EBF4: variants seen among roughly 807,000 people sequenced by gnomAD.
EBF4 encodes EBF transcription factor 4.
Under a neutral mutation model 67.1 loss-of-function variants are expected in EBF4, and 34 were observed. The ratio of observed to expected loss-of-function variants is 0.51; its 90% CI spans 0.39 to 0.67. The LOEUF is 0.67. EBF4 is among the 30% of genes least tolerant of loss of function. EBF4 has a pLI of 0.00. For synonymous variants in EBF4, 387 were observed against 377.7 expected, an observed-to-expected ratio of 1.02 and a Z score of -0.29; for missense variants, 837 against 873.3, an observed-to-expected ratio of 0.96 and a Z score of 0.52.
chr20:2,757,102 C>A (rs928532369), intron 15 of EBF4, among the ~76,000 whole-genome samples: 7 of 152,070 alleles, frequency 4.6e-5, no homozygotes, highest in African/African-American at 1.7e-4. Flanking sequence ...AAATCCAAGG[C>A]AGGGGCAGGT....
At chr20:2,743,710 A>C (rs2088001137) in intron 6 of EBF4, among the ~76,000 whole-genome samples, 3 of 152,184 alleles carry the variant, frequency 2.0e-5, no homozygotes, top group Admixed American at 2.0e-4. Flanking sequence ...CCATAGGACA[A>C]TTTTATCATC....
rs1386891042 is a variant in EBF4, at chr20:2,750,491, G to A, written c.1018+518G>A. On this transcript the variant is annotated intron_variant, in intron 10 of 16. Transcript: ENST00000609451. ...AGCAGTGAACACACGTGGAGAGGCAGTGTAGAACCCCCCAGCCTGGCTCTA... is the reference window on the plus strand; with the variant it reads ...AGCAGTGAACACACGTGGAGAGGCAATGTAGAACCCCCCAGCCTGGCTCTA... 3.3e-5 allele frequency among the ~76,000 whole-genome samples: 5 copies of A among 152,088 alleles called. No individual in the cohort carries two copies. The East Asian group carries it at 9.8e-4, about 30-fold the overall frequency.
intron 6 of EBF4, among the ~76,000 whole-genome samples, chr20:2,744,487 C>CTTT (rs778840182): frequency 0.016 from 1,723 of 111,056 alleles, 107 homozygotes; most frequent in African/African-American, 0.031. Context: ...TTCTTTTTTT[C>CTTT]TTTTCTTTTT....
intron 6 of EBF4, among the ~76,000 whole-genome samples, chr20:2,711,283 TCTC>T (rs1260927043): frequency 7.9e-5 from 12 of 152,128 alleles, no homozygotes; most frequent in African/African-American, 2.9e-4. Flanking sequence ...ACACAAGAAG[TCTC>T]CTTATTCTTT....
intron 7 of EBF4, 147 bp downstream of exon 7, chr20:2,748,777 T>A (rs2088092877): frequency 2.2e-6 from 2 of 908,004 alleles, no homozygotes; most frequent in Non-Finnish European, 3.3e-6. Flanking sequence ...CCCAGCCTGG[T>A]TGGTGCCTGC....
At chr20:2,703,007 G>A (rs1213569517) in intron 1 of EBF4, among the ~76,000 whole-genome samples, 5 of 152,252 alleles carry the variant, frequency 3.3e-5, no homozygotes, top group African/African-American at 1.2e-4. Context: ...CAGGTGTAGT[G>A]GTTGGCACCT....
At position 2,751,532 on chromosome 20, in the gene EBF4, C is replaced by T. The variant is rs2088145028; in HGVS notation, c.1019-168C>T. On this transcript the variant is annotated intron_variant, in intron 10 of 16. Coordinates refer to ENST00000609451, the Ensembl canonical transcript of EBF4. The surrounding 1 kb of genome is among the most constrained non-coding windows in gnomAD (Gnocchi z 5.2). ...AGAACTGAAACTTCCCTGAATCTCG[C>T]TGCCGGGGGTGCCTGGAGTTTTCCG... Among the ~76,000 whole-genome samples, 1 of 152,156 alleles carries T rather than the reference C, an allele frequency of 6.6e-6. No individual in the cohort carries two copies. The highest frequency in any genetic ancestry group is 1.5e-5 in the Non-Finnish European group (1 of 68,028).
intron 6 of EBF4, among the ~76,000 whole-genome samples, chr20:2,721,182 G>C (rs1350635312): frequency 6.7e-6 from 1 of 149,502 alleles, no homozygotes; most frequent in African/African-American, 2.5e-5. Flanking sequence ...CCTCTTCTTT[G>C]GGGACTCCAA....
intron 6 of EBF4, among the ~76,000 whole-genome samples, chr20:2,716,293 G>A (rs1466632391): frequency 7.3e-5 from 11 of 150,964 alleles, no homozygotes; most frequent in South Asian, 2.1e-4. Flanking sequence ...TTGGGAGGCC[G>A]AGGCGGGCAG....
At chr20:2,695,528 C>A (rs1404786320) in intron 1 of EBF4, among the ~76,000 whole-genome samples, 1 of 152,158 alleles carries the variant, frequency 6.6e-6, no homozygotes, top group Non-Finnish European at 1.5e-5. Flanking sequence ...TTTCTTCAGG[C>A]TCGGTCTGCT....
chr20:2,748,052 G>A (rs531822652), intron 6 of EBF4, among the ~76,000 whole-genome samples: 1 of 152,254 alleles, frequency 6.6e-6, no homozygotes, highest in East Asian at 1.9e-4. Flanking sequence ...TCTGGGGAGG[G>A]ATGTGTTGTA....
At chr20:2,712,950 G>A (rs116956881) in intron 6 of EBF4, among the ~76,000 whole-genome samples, 29 of 152,296 alleles carry the variant, frequency 1.9e-4, no homozygotes, top group Middle Eastern at 6.8e-3. Flanking sequence ...TGTCACGGGA[G>A]TCATTTCAGT....
intron 2 of EBF4, 60 bp downstream of exon 2, chr20:2,705,793 A>G (rs1039940746): frequency 1.5e-5 from 10 of 675,664 alleles, no homozygotes; most frequent in Non-Finnish European, 1.9e-5. Flanking sequence ...AACCACACAC[A>G]CACACACACA....
At chr20:2,735,928 G>A (rs2087870987) in intron 6 of EBF4, among the ~76,000 whole-genome samples, 1 of 152,194 alleles carries the variant, frequency 6.6e-6, no homozygotes, top group South Asian at 2.1e-4. Flanking sequence ...TGTAAGGCTT[G>A]AAGACCACAC....
In EBF4 at chr20:2,693,851, G is replaced by T. The variant is rs2087248209; in HGVS notation, c.137+69G>T. ...GCGCGCCGCCTCAGCTCAGCTTGCT[G>T]GAGCTGCTGGAGCCAGGGGCGGAAG... On this transcript the variant is annotated intron_variant, in intron 1 of 16. Coordinates refer to ENST00000609451, the Ensembl canonical transcript of EBF4. This position sits in a 1 kb window ranked among gnomAD's most constrained non-coding sequence, Gnocchi z 4.6. The T allele has an allele frequency of 3.2e-6, 4 of 1,253,674 alleles. No individual in the cohort carries two copies. The highest frequency in any genetic ancestry group is 3.1e-4 in the Middle Eastern group (1 of 3,278). The allele number at this position is 1,253,674 out of a possible 1,614,324, so 77.7% of individuals were successfully genotyped here. A position where few individuals can be genotyped will look rare whatever the true frequency, so the allele number is the denominator to read the frequency against.
intron 1 of EBF4, among the ~76,000 whole-genome samples, chr20:2,694,410 G>A (rs2087258725): frequency 6.6e-6 from 1 of 152,166 alleles, no homozygotes; most frequent in African/African-American, 2.4e-5. Flanking sequence ...GAGAGTCCCT[G>A]GGAACCCAGC....
At chr20:2,735,155 C>A (rs1312516465) in intron 6 of EBF4, among the ~76,000 whole-genome samples, 1 of 152,186 alleles carries the variant, frequency 6.6e-6, no homozygotes, top group Non-Finnish European at 1.5e-5. Flanking sequence ...GTCTTTCCCA[C>A]TAAGTAAGTT....
rs969701264 is a variant in EBF4 at position 2,747,329 on chromosome 20, A to C, written c.558-1220A>C. Among the ~76,000 whole-genome samples the C allele has an allele frequency of 6.6e-6, 1 of 151,740 alleles. No individual in the cohort carries two copies. The highest frequency in any genetic ancestry group is 2.4e-5 in the African/African-American group (1 of 41,246). On this transcript the variant is annotated intron_variant, in intron 6 of 16. Coordinates refer to ENST00000609451, the Ensembl canonical transcript of EBF4. The surrounding 1 kb of genome is among the most constrained non-coding windows in gnomAD (Gnocchi z 4.6). ...AAAACAAAACAAACAAAAAAAAAAA[A>C]ACAGGAAAAAAAAGAGTACAACAGC...
intron 4 of EBF4, 82 bp downstream of exon 4, chr20:2,706,346 G>A: frequency 1.1e-5 from 16 of 1,488,260 alleles, no homozygotes; most frequent in Non-Finnish European, 1.5e-5. Context: ...GAGCCTCCTT[G>A]TTCCTGCCCT....
Sources: gnomAD v4.1 joint callset for allele counts (sites outside exome capture counted in the v4.1 genomes callset) on GRCh38, gnomAD v4.1.1 for gene constraint, Gnocchi (gnomAD v3.1) non-coding constraint, MANE v1.5 for transcripts, NCBI Gene and HGNC (gene_info 2026-07-23, HGNC 2026-07-21) for gene names.